APC: variants seen among roughly 807,000 people sequenced by gnomAD.
APC encodes APC regulator of Wnt signaling pathway, also known as adenomatous polyposis coli protein.
A neutral mutation model predicts 247.0 loss-of-function variants in APC; 72 were observed. The ratio of observed to expected loss-of-function variants is 0.29; its 90% CI spans 0.24 to 0.35. The LOEUF is 0.35. APC is among the 10% of genes least tolerant of loss of function. APC has a pLI of 1.00. For synonymous variants in APC, 1,254 were observed against 1,162.5 expected, an observed-to-expected ratio of 1.08 and a Z score of -1.60; for missense variants, 3,400 against 3,360.7, an observed-to-expected ratio of 1.01 and a Z score of -0.29.
intron 1 of APC, among the ~76,000 whole-genome samples, chr5:112,728,149 A>G (rs1417369254): frequency 6.6e-6 from 1 of 151,416 alleles, no homozygotes. Flanking sequence ...TTGTTTTGAG[A>G]CAGAGTCTCT....
chr5:112,734,883 C>T (rs1278938543), upstream of APC, among the ~76,000 whole-genome samples: 1 of 147,972 alleles, frequency 6.8e-6, no homozygotes, highest in Non-Finnish European at 1.5e-5. Flanking sequence ...CCCCACCTCC[C>T]AGGTCCAAGA....
chr5:112,712,843 C>G (rs1290680759), intron 1 of APC, among the ~76,000 whole-genome samples: 1 of 152,126 alleles, frequency 6.6e-6, no homozygotes, highest in Non-Finnish European at 1.5e-5. Context: ...AGTTAGGCCC[C>G]CAAGTTGTAT....
chr5:112,820,182 GACACACACACACAC>G (rs111788809), intron 10 of APC, among the ~76,000 whole-genome samples: 7 of 143,402 alleles, frequency 4.9e-5, no homozygotes, highest in African/African-American at 7.5e-5. Flanking sequence ...GATAAGAACT[GACACACACACACAC>G]ACACACACAC....
At chr5:112,780,719 T>A in intron 5 of APC, 71 bp from the exon 6 acceptor site, 1 of 1,061,914 alleles carries the variant, frequency 9.4e-7, no homozygotes, top group Admixed American at 1.9e-5. Flanking sequence ...TTGGTTCTTA[T>A]ATGCTTTTTT....
At chr5:112,815,426 C>T in intron 8 of APC, 69 bp from the exon 9 acceptor site, 1 of 1,130,512 alleles carries the variant, frequency 8.8e-7, no homozygotes. Context: ...TTTGGAGTAC[C>T]TTAACATGAT....
chr5:112,840,007 A>G lies in APC; in HGVS notation c.4413A>G (p.Ala1471=), dbSNP rs964029262. The change falls in exon 16 of 16, where the codon GCA becomes GCG. Residue 1471 remains alanine, a synonymous_variant. Coordinates refer to ENST00000257430, the MANE Select transcript of APC (RefSeq NM_000038.6). The surrounding 1 kb of genome is among the most constrained non-coding windows in gnomAD (Gnocchi z 4.1). ...GAGAGAGTGGACCTAAGCAAGCTGC[A>G]GTAAATGCTGCAGTTCAGAGGGTCC... ...EKRESGPKQA[A]VNAAVQRVQV... is the part of the protein sequence containing the mutation. The G allele has an allele frequency of 1.2e-5, 20 of 1,614,184 alleles. No homozygotes were observed. The highest frequency in any genetic ancestry group is 1.3e-5 in the African/African-American group (1 of 75,040).
chr5:112,737,206 CCT>C (rs1752447878), upstream of APC, among the ~76,000 whole-genome samples: 1 of 152,112 alleles, frequency 6.6e-6, no homozygotes, highest in Non-Finnish European at 1.5e-5. Flanking sequence ...TATATTAACT[CCT>C]CTATTCTGTA....
rs368334751 is a variant in APC at position 112,777,651 on chromosome 5, C to T, written c.531+1914C>T. 9 of 200,706 alleles carry T rather than the reference C, an allele frequency of 4.5e-5. No individual in the cohort carries two copies. The East Asian group carries it at 1.2e-3, about 27-fold the overall frequency. The allele number at this position is 200,706 out of a possible 1,614,324, so 12.4% of individuals were successfully genotyped here. Reference sequence around the variant, plus strand: ...AACAGGGCGAACAATTACTGTGCTTCATCTTCTGGACAAGAATGCCAAGTT... The same window carrying T: ...AACAGGGCGAACAATTACTGTGCTTTATCTTCTGGACAAGAATGCCAAGTT... On this transcript the variant is annotated intron_variant, in intron 5 of 15. Transcript: ENST00000257430.
At chr5:112,804,513 G>A (rs1761163156) in intron 8 of APC, among the ~76,000 whole-genome samples, 1 of 152,038 alleles carries the variant, frequency 6.6e-6, no homozygotes, top group African/African-American at 2.4e-5. Context: ...CCGAGTAGCT[G>A]GGACTACAGG....
intron 14 of APC, among the ~76,000 whole-genome samples, chr5:112,833,992 A>C (rs982837368): frequency 6.6e-6 from 1 of 152,014 alleles, no homozygotes; most frequent in Non-Finnish European, 1.5e-5. Context: ...CTCACTGTCA[A>C]CCAGGCTTGA....
intron 2 of APC, among the ~76,000 whole-genome samples, chr5:112,761,055 T>C (rs374275297): frequency 3.5e-4 from 54 of 152,252 alleles, no homozygotes; most frequent in African/African-American, 6.5e-4. Context: ...GTGATCCACC[T>C]GACTCGGCCT....
At chr5:112,744,265 T>C (rs761889984) in intron 1 of APC, among the ~76,000 whole-genome samples, 2 of 152,206 alleles carry the variant, frequency 1.3e-5, no homozygotes, top group Non-Finnish European at 2.9e-5. Flanking sequence ...TTGTCTTACT[T>C]TTTTTATGGA....
At chr5:112,772,382 C>T (rs1757153900) in intron 4 of APC, among the ~76,000 whole-genome samples, 1 of 152,132 alleles carries the variant, frequency 6.6e-6, no homozygotes, top group South Asian at 2.1e-4. Flanking sequence ...ACCTTGGCTT[C>T]CCCAGAGTAT....
At chr5:112,731,227 A>G (rs1197508735) in intron 1 of APC, among the ~76,000 whole-genome samples, 2 of 152,214 alleles carry the variant, frequency 1.3e-5, no homozygotes, top group East Asian at 3.8e-4. Context: ...ATCTGTACAT[A>G]GGATAATTTC....
chr5:112,707,993 C>T, intron 1 of APC: 1 of 1,116,808 alleles, frequency 9.0e-7, no homozygotes, highest in Non-Finnish European at 1.2e-6. Context: ...GCTCTCTTCT[C>T]TCCATGTCTC....
intron 1 of APC, among the ~76,000 whole-genome samples, chr5:112,721,437 TA>T (rs1451777826): frequency 3.3e-5 from 5 of 152,160 alleles, no homozygotes; most frequent in African/African-American, 7.2e-5. Flanking sequence ...AATAAAAAAA[TA>T]AAGACTGAAA....
chr5:112,803,094 G>C (rs191347141), intron 8 of APC, among the ~76,000 whole-genome samples: 1 of 151,860 alleles, frequency 6.6e-6, no homozygotes, highest in Non-Finnish European at 1.5e-5. Flanking sequence ...CAGATTTCGT[G>C]GGGGGGCCAT....
At chr5:112,809,768 G>A (rs1213213591) in intron 8 of APC, among the ~76,000 whole-genome samples, 4 of 152,188 alleles carry the variant, frequency 2.6e-5, no homozygotes, top group African/African-American at 7.2e-5. Context: ...TTGGGAGGCC[G>A]AGATGGGCGG....
At chr5:112,826,258 G>A (rs1317158946) in intron 11 of APC, among the ~76,000 whole-genome samples, 1 of 152,100 alleles carries the variant, frequency 6.6e-6, no homozygotes, top group Non-Finnish European at 1.5e-5. Context: ...GTCCCGTGAT[G>A]ATTAATATTT....
Sources: allele counts gnomAD v4.1 joint callset (sites outside exome capture counted in the v4.1 genomes callset), GRCh38; gene constraint gnomAD v4.1.1; non-coding constraint Gnocchi (gnomAD v3.1); transcripts MANE v1.5; gene names NCBI Gene and HGNC (gene_info 2026-07-23, HGNC 2026-07-21).